Variants in CACNA2D4 observed in about 807,000 individuals in gnomAD.
CACNA2D4 encodes the protein voltage-dependent calcium channel subunit alpha-2/delta-4.
A neutral mutation model predicts 163.8 loss-of-function variants in CACNA2D4; 157 were observed. The ratio of observed to expected loss-of-function variants is 0.96; its 90% CI spans 0.84 to 1.09. The LOEUF is 1.09. Ranked by LOEUF, CACNA2D4 falls within the 50% of genes least tolerant of loss-of-function variation. The probability of loss-of-function intolerance (pLI) is 0.00; values close to 1 mark genes in which losing one functional copy is unlikely to be tolerated. For synonymous variants in CACNA2D4, 598 were observed against 586.9 expected, an observed-to-expected ratio of 1.02 and a Z score of -0.27; for missense variants, 1,410 against 1,479.9, an observed-to-expected ratio of 0.95 and a Z score of 0.78.
In CACNA2D4 at chr12:1,917,305, G is replaced by C. The variant is rs561475403; in HGVS notation, c.227+942C>G. On this transcript the variant is annotated intron_variant, in intron 1 of 37. Transcript: ENST00000382722. This position sits in a 1 kb window ranked among gnomAD's most constrained non-coding sequence, Gnocchi z 4.3. ...AGCTCCGTGCCAGGCAGGGAACAAG[G>C]AGAGCTATGCGGCTCGATGGGAAAC... Among the ~76,000 whole-genome samples the C allele has an allele frequency of 3.2e-4, 48 of 152,338 alleles. No individual in the cohort carries two copies. Among genetic ancestry groups the C allele is most frequent in the Admixed American group, 6.5e-4 (10 of 15,300 alleles).
rs1432177402 is a variant in CACNA2D4 at position 1,799,825 on chromosome 12, C to G, written c.2975-130G>C. ...CGGTGTCCCAAGATGATGTCACACACAGAGCCAGGAGTGAGGGATGTGATG... is the reference window on the plus strand; with the variant it reads ...CGGTGTCCCAAGATGATGTCACACAGAGAGCCAGGAGTGAGGGATGTGATG... On this transcript the variant is annotated intron_variant, in intron 33 of 37. Transcript: ENST00000382722. The surrounding 1 kb of genome is among the most constrained non-coding windows in gnomAD (Gnocchi z 4.7). The G allele has an allele frequency of 7.5e-7, 1 of 1,333,022 alleles. No individual in the cohort carries two copies. Among genetic ancestry groups the G allele is most frequent in the Admixed American group, 2.0e-5 (1 of 50,634 alleles). 82.6% of individuals were successfully genotyped at this position (1,333,022 alleles called of 1,614,324 possible).
Position 1,853,909 on chromosome 12 carries a change from G to A in CACNA2D4, c.2246+42C>T, listed in dbSNP as rs754064104. ...GTCCCAACTTAGCCAAGGGAATTCT[G>A]GGGGCTGGTTGGGGCCTGGGAACCT... On this transcript the variant is annotated intron_variant, in intron 23 of 37. Transcript: ENST00000382722. The A allele has an allele frequency of 8.7e-6, 13 of 1,499,154 alleles. No individual in the cohort carries two copies. The African/African-American group carries it at 1.5e-4, about 17-fold the overall frequency. 92.9% of individuals were successfully genotyped at this position (1,499,154 alleles called of 1,614,324 possible). A position where few individuals can be genotyped will look rare whatever the true frequency, so the allele number is the denominator to read the frequency against.
chr12:1,809,210 A>T (rs1401341472), intron 29 of CACNA2D4, among the ~76,000 whole-genome samples: 1 of 152,116 alleles, frequency 6.6e-6, no homozygotes, highest in Non-Finnish European at 1.5e-5. Flanking sequence ...ACTTCTTTGG[A>T]TCCGAAGCCG....
chr12:1,906,073 A>G (rs1866652936), intron 6 of CACNA2D4, among the ~76,000 whole-genome samples: 1 of 152,206 alleles, frequency 6.6e-6, no homozygotes, highest in African/African-American at 2.4e-5. Flanking sequence ...AGACCATTCA[A>G]TGGAAGAAAG....
At chr12:1,884,143 G>T in intron 12 of CACNA2D4, 100 bp downstream of exon 12, 1 of 973,164 alleles carries the variant, frequency 1.0e-6, no homozygotes, top group Non-Finnish European at 1.6e-6. Context: ...TCCTCTTAGG[G>T]GCCCATGGGG....
chr12:1,914,807 G>A (rs769375283), intron 2 of CACNA2D4, 47 bp downstream of exon 2: 3 of 1,356,966 alleles, frequency 2.2e-6, no homozygotes, highest in South Asian at 1.2e-5. Flanking sequence ...TTCGATGGCT[G>A]ACTGCCCTCT....
intron 26 of CACNA2D4, 97 bp downstream of exon 26, chr12:1,840,642 C>T: frequency 1.0e-6 from 1 of 972,616 alleles, no homozygotes; most frequent in South Asian, 1.4e-5. Context: ...GGACTGTGGC[C>T]CTGGCCACAT....
At chr12:1,909,504 A>G (rs995601687) in intron 4 of CACNA2D4, among the ~76,000 whole-genome samples, 3 of 151,912 alleles carry the variant, frequency 2.0e-5, no homozygotes, top group African/African-American at 7.3e-5. Context: ...GTGTTTTCTT[A>G]TTTCTGTGTT....
rs771028700 is a variant in CACNA2D4, at chr12:1,798,187, C to G, written c.2996-652G>C. On this transcript the variant is annotated intron_variant, in intron 34 of 37. Coordinates refer to ENST00000382722, the MANE Select transcript of CACNA2D4 (RefSeq NM_172364.5). This position sits in a 1 kb window ranked among gnomAD's most constrained non-coding sequence, Gnocchi z 4.3. ...CAGTGGACTCAACCAAAGGTGGAGG[C>G]GAGTGCCTCAGCCCCGCTCTGCAGG... Among the ~76,000 whole-genome samples, 1 of 152,308 alleles carries G rather than the reference C, an allele frequency of 6.6e-6. No homozygotes were observed. Among genetic ancestry groups the G allele is most frequent in the Non-Finnish European group, 1.5e-5 (1 of 68,004 alleles).
At chr12:1,805,751 G>T (rs536502955) in intron 29 of CACNA2D4, among the ~76,000 whole-genome samples, 1 of 152,236 alleles carries the variant, frequency 6.6e-6, no homozygotes, top group East Asian at 1.9e-4. Flanking sequence ...CATTTGGGAC[G>T]CCAGGAAGGT....
Position 1,828,069 on chromosome 12 carries a change from C to T in CACNA2D4, c.2551+12670G>A, listed in dbSNP as rs1195946841. The T allele has an allele frequency of 6.7e-6, 9 of 1,345,376 alleles. No individual in the cohort carries two copies. Among genetic ancestry groups the T allele is most frequent in the Non-Finnish European group, 8.9e-6 (9 of 1,016,522 alleles). 83.3% of individuals were successfully genotyped at this position (1,345,376 alleles called of 1,614,324 possible). The stretch of plus-strand genomic sequence containing the variant: ...CTGCCTGTGCTCAGTGCTCCTCCCT[C>T]CCTCAGGACTGACAGGCGGCGCACC... On this transcript the variant is annotated intron_variant, in intron 26 of 37. Transcript: ENST00000382722. The surrounding 1 kb of genome is among the most constrained non-coding windows in gnomAD (Gnocchi z 4.2).
At chr12:1,851,120 T>C (rs1010408987) in intron 23 of CACNA2D4, among the ~76,000 whole-genome samples, 7 of 152,146 alleles carry the variant, frequency 4.6e-5, no homozygotes, top group African/African-American at 1.7e-4. Context: ...CAGGCTAAAG[T>C]GATCCTCCCA....
In CACNA2D4 at chr12:1,798,972, C is replaced by CAG. The variant is rs970731513; in HGVS notation, c.2995+701_2995+702dup. The stretch of plus-strand genomic sequence containing the variant: ...CAGCAGAAGAGAACGAAGAGCAAGC[C>CAG]AGAGAGAGGACCACAGTGGAGATGA... On this transcript the variant is annotated intron_variant, in intron 34 of 37. Transcript: ENST00000382722. The surrounding 1 kb of genome is among the most constrained non-coding windows in gnomAD (Gnocchi z 4.3). Among the ~76,000 whole-genome samples, 1 of 152,142 alleles carries CAG rather than the reference C, an allele frequency of 6.6e-6. No homozygotes were observed. Among genetic ancestry groups the CAG allele is most frequent in the East Asian group, 1.9e-4 (1 of 5,172 alleles).
Position 1,843,054 on chromosome 12 carries a change from T to C in CACNA2D4, c.2470+1348A>G, listed in dbSNP as rs1267695420. 1.3e-5 allele frequency among the ~76,000 whole-genome samples: 2 copies of C among 152,114 alleles called. No individual in the cohort carries two copies. The highest frequency in any genetic ancestry group is 2.9e-5 in the Non-Finnish European group (2 of 68,020). On this transcript the variant is annotated intron_variant, in intron 25 of 37. Coordinates refer to ENST00000382722, the MANE Select transcript of CACNA2D4 (RefSeq NM_172364.5). The surrounding 1 kb of genome is among the most constrained non-coding windows in gnomAD (Gnocchi z 4.6). Reference sequence around the variant, plus strand: ...GAGCCTCACGTTCTCCTTGTGTAAGTTGAGGGATAATGACGGCACTTATCT... The same window carrying C: ...GAGCCTCACGTTCTCCTTGTGTAAGCTGAGGGATAATGACGGCACTTATCT...
chr12:1,889,459 T>C (rs565081863), intron 6 of CACNA2D4, among the ~76,000 whole-genome samples: 2 of 152,342 alleles, frequency 1.3e-5, no homozygotes, highest in East Asian at 3.8e-4. Context: ...AAGGCCTTTG[T>C]TGACTGAGTA....
chr12:1,891,225 C>G (rs1386119723), intron 6 of CACNA2D4, among the ~76,000 whole-genome samples: 1 of 152,204 alleles, frequency 6.6e-6, no homozygotes, highest in African/African-American at 2.4e-5. Context: ...GGCCCAAGGA[C>G]AGGATCATCT....
rs764864412 is a variant in CACNA2D4, at chr12:1,833,900, G to A, written c.2551+6839C>T. 6.6e-6 allele frequency among the ~76,000 whole-genome samples: 1 copy of A among 152,196 alleles called. No homozygotes were observed. The highest frequency in any genetic ancestry group is 1.5e-5 in the Non-Finnish European group (1 of 68,030). ...AGGGACGCTCAGCTCTCTAATGACAGCCCTTTCCTGGGAACCTCCCCATGT... is the reference window on the plus strand; with the variant it reads ...AGGGACGCTCAGCTCTCTAATGACAACCCTTTCCTGGGAACCTCCCCATGT... On this transcript the variant is annotated intron_variant, in intron 26 of 37. Coordinates refer to ENST00000382722, the MANE Select transcript of CACNA2D4 (RefSeq NM_172364.5). The surrounding 1 kb of genome is among the most constrained non-coding windows in gnomAD (Gnocchi z 4.2).
intron 18 of CACNA2D4, among the ~76,000 whole-genome samples, chr12:1,872,467 G>C (rs1004974486): frequency 1.3e-5 from 2 of 152,216 alleles, no homozygotes; most frequent in Non-Finnish European, 2.9e-5. Context: ...AAGGCTTTTA[G>C]AAAGCTTTCC....
intron 6 of CACNA2D4, among the ~76,000 whole-genome samples, chr12:1,901,119 T>C (rs958804308): frequency 1.3e-5 from 2 of 152,012 alleles, no homozygotes; most frequent in Non-Finnish European, 2.9e-5. Flanking sequence ...AATGAAGAGA[T>C]TAAGAAGGAA....
Sources: allele counts gnomAD v4.1 joint callset (sites outside exome capture counted in the v4.1 genomes callset), GRCh38; gene constraint gnomAD v4.1.1; non-coding constraint Gnocchi (gnomAD v3.1); transcripts MANE v1.5; gene names NCBI Gene and HGNC (gene_info 2026-07-23, HGNC 2026-07-21).